TSPAN15: variants seen among roughly 807,000 people sequenced by gnomAD.
TSPAN15 encodes the protein tetraspanin 15, also known as tetraspanin-15.
In TSPAN15, 20 loss-of-function variants were observed where a neutral mutation model predicts 34.5. That is an observed-to-expected ratio of 0.58 (90% confidence interval 0.41 to 0.84). TSPAN15 has a LOEUF of 0.84. Ranked by LOEUF, TSPAN15 falls within the 40% of genes least tolerant of loss-of-function variation. The pLI is 0.00. For synonymous variants in TSPAN15, 155 were observed against 153.9 expected (o/e 1.01, Z -0.05); for missense variants, 313 against 386.1 (o/e 0.81, Z 1.59).
At chr10:69,520,296 A>T in the TSPAN15 span, among the ~76,000 whole-genome samples, 1 of 152,150 alleles carries the variant, frequency 6.6e-6, no homozygotes, top group African/African-American at 2.4e-5. Context: ...GGCTTATTTC[A>T]CTTAGCATAG....
chr10:69,479,368 G>C (rs1483102453), intron 1 of TSPAN15, among the ~76,000 whole-genome samples: 1 of 152,258 alleles, frequency 6.6e-6, no homozygotes, highest in Non-Finnish European at 1.5e-5. Flanking sequence ...AGGATGCAGA[G>C]GACCTTCAGG....
chr10:69,515,512 A>C, the TSPAN15 span, among the ~76,000 whole-genome samples: 105 of 152,122 alleles, frequency 6.9e-4, no homozygotes, highest in African/African-American at 2.4e-3. Context: ...TTTTATGATC[A>C]CCCATTTTGC....
chr10:69,493,495 C>T (rs1202906215), intron 3 of TSPAN15, among the ~76,000 whole-genome samples: 2 of 117,942 alleles, frequency 1.7e-5, no homozygotes, highest in Non-Finnish European at 3.4e-5. Flanking sequence ...TTTTTTGAGA[C>T]AGAGTCTTGC....
At chr10:69,451,751 C>G (rs993418601) in intron 1 of TSPAN15, 61 bp downstream of exon 1, 35 of 1,335,086 alleles carry the variant, frequency 2.6e-5, no homozygotes, top group Non-Finnish European at 3.1e-5. Flanking sequence ...GCCGCCCCCT[C>G]ACTGGCCCGG....
chr10:69,513,297 C>T, the TSPAN15 span, among the ~76,000 whole-genome samples: 1 of 152,168 alleles, frequency 6.6e-6, no homozygotes, highest in East Asian at 1.9e-4. Flanking sequence ...TTTGACAACT[C>T]TTTGTATATG....
intron 1 of TSPAN15, among the ~76,000 whole-genome samples, chr10:69,477,385 T>G (rs141958689): frequency 2.4e-4 from 37 of 152,134 alleles, no homozygotes; most frequent in African/African-American, 8.2e-4. Flanking sequence ...AATGCTGGGA[T>G]TACAGACATG....
chr10:69,522,739 C>G, the TSPAN15 span, among the ~76,000 whole-genome samples: 1 of 147,612 alleles, frequency 6.8e-6, no homozygotes, highest in Non-Finnish European at 1.5e-5. Context: ...CTGTTTCATT[C>G]CGAAACCATC....
In TSPAN15 at chr10:69,506,924, C is replaced by G. The variant is rs765320118; in HGVS notation, c.831C>G (p.Ala277=). The G allele has an allele frequency of 1.9e-6, 3 of 1,609,760 alleles. No individual in the cohort carries two copies. Among genetic ancestry groups the G allele is most frequent in the Non-Finnish European group, 1.7e-6 (2 of 1,178,594 alleles). The part of the protein sequence containing the change: ...SVTDGLLGPG[A]KPSVEAAGTG... ...CTGATGGGCTCCTGGGGCCCGGTGC[C>G]AAGCCCAGCGTGGAGGCGGCAGGCA... The change falls in exon 8 of 8, where the codon GCC becomes GCG. Residue 277 remains alanine, a synonymous_variant. Coordinates refer to ENST00000373290, the MANE Select transcript of TSPAN15 (RefSeq NM_012339.5). This position sits in a 1 kb window ranked among gnomAD's most constrained non-coding sequence, Gnocchi z 4.7.
chr10:69,485,632 AG>A (rs1306240032), intron 3 of TSPAN15, among the ~76,000 whole-genome samples: 2 of 152,004 alleles, frequency 1.3e-5, no homozygotes, highest in Non-Finnish European at 2.9e-5. Context: ...GGGAGCTTGG[AG>A]TTTTTTCTAG....
chr10:69,539,516 A>G, the TSPAN15 span, among the ~76,000 whole-genome samples: 4 of 109,084 alleles, frequency 3.7e-5, no homozygotes, highest in South Asian at 6.2e-4. Flanking sequence ...AAGAAGAAGA[A>G]GAAGAAGAAG....
intron 1 of TSPAN15, among the ~76,000 whole-genome samples, chr10:69,483,136 C>T (rs144138256): frequency 0.011 from 1,662 of 152,254 alleles, 14 homozygotes; most frequent in Middle Eastern, 0.027. Context: ...CTACAGGTGC[C>T]CGCCACTATG....
chr10:69,483,973 C>A, intron 2 of TSPAN15, 97 bp downstream of exon 2: 1 of 1,312,756 alleles, frequency 7.6e-7, no homozygotes, highest in Non-Finnish European at 1.0e-6. Flanking sequence ...TTGTCCCTGC[C>A]TCAAACCACC....
At chr10:69,471,625 G>A (rs114032646) in intron 1 of TSPAN15, among the ~76,000 whole-genome samples, 2 of 113,296 alleles carry the variant, frequency 1.8e-5, no homozygotes, top group Admixed American at 2.6e-4. Context: ...CTTCTCTTTC[G>A]ACTCTGGTAC....
intron 1 of TSPAN15, among the ~76,000 whole-genome samples, chr10:69,469,157 T>C (rs1841454406): frequency 1.3e-5 from 2 of 152,150 alleles, no homozygotes; most frequent in African/African-American, 4.8e-5. Flanking sequence ...AGAAAAACTC[T>C]TGAACAATGA....
chr10:69,451,716 G>A, intron 1 of TSPAN15, 26 bp downstream of exon 1: 1 of 1,430,788 alleles, frequency 7.0e-7, no homozygotes, highest in Non-Finnish European at 9.3e-7. Context: ...AGGGCCCGGG[G>A]ATGGGGGTGG....
intron 4 of TSPAN15, among the ~76,000 whole-genome samples, chr10:69,495,992 G>T (rs756571263): frequency 3.3e-5 from 5 of 152,112 alleles, no homozygotes; most frequent in African/African-American, 1.2e-4. Context: ...GTCAGGTGTT[G>T]CTACAAGCAA....
intron 1 of TSPAN15, among the ~76,000 whole-genome samples, chr10:69,456,504 T>A (rs1841113406): frequency 6.6e-6 from 1 of 152,232 alleles, no homozygotes; most frequent in Admixed American, 6.5e-5. Context: ...CCTTTAAATT[T>A]ATTTTTAAAA....
chr10:69,498,596 CAT>C (rs1842140123), intron 5 of TSPAN15, among the ~76,000 whole-genome samples, 200 bp downstream of exon 5: 1 of 152,098 alleles, frequency 6.6e-6, no homozygotes, highest in South Asian at 2.1e-4. Context: ...GTAGGGAGAC[CAT>C]GTCTTTCTTA....
the TSPAN15 span, among the ~76,000 whole-genome samples, chr10:69,530,808 CTCTCTCTCTCTCTATATATA>C: frequency 3.2e-3 from 220 of 69,044 alleles, 1 homozygote; most frequent in East Asian, 9.1e-3. Flanking sequence ...CTCTCTCTCT[CTCTCTCTCTCTCTATATATA>C]TATATATATA....
Sources: gnomAD v4.1 joint callset for allele counts (sites outside exome capture counted in the v4.1 genomes callset) on GRCh38, gnomAD v4.1.1 for gene constraint, Gnocchi (gnomAD v3.1) non-coding constraint, MANE v1.5 for transcripts, NCBI Gene and HGNC (gene_info 2026-07-23, HGNC 2026-07-21) for gene names.